Variants in EML4 observed in about 807,000 individuals in gnomAD.
EML4 encodes echinoderm microtubule-associated protein-like 4.
Under a neutral mutation model 129.0 loss-of-function variants are expected in EML4, and 72 were observed. The observed-to-expected ratio is 0.56, with a 90% CI of 0.46 to 0.68. The LOEUF is 0.68. Ranked by LOEUF, EML4 falls within the 30% of genes least tolerant of loss-of-function variation. The probability of loss-of-function intolerance (pLI) is 0.00; values close to 1 mark genes in which losing one functional copy is unlikely to be tolerated. For synonymous variants in EML4, 532 were observed against 405.0 expected (o/e 1.31, Z -3.77); for missense variants, 1,363 against 1,190.6 (o/e 1.14, Z -2.13).
At chr2:42,327,734 G>A (rs573471932) in intron 21 of EML4, among the ~76,000 whole-genome samples, 1 of 152,170 alleles carries the variant, frequency 6.6e-6, no homozygotes. Context: ...ATAATAAAGC[G>A]TTATTTGCAA....
intron 20 of EML4, 79 bp downstream of exon 20, chr2:42,325,633 T>C (rs1669767769): frequency 5.1e-6 from 1 of 194,980 alleles, no homozygotes; most frequent in Non-Finnish European, 9.8e-6. Flanking sequence ...TATATATATA[T>C]ATATATGCTA....
chr2:42,215,921 T>A (rs1181085086), intron 1 of EML4, among the ~76,000 whole-genome samples: 1 of 152,070 alleles, frequency 6.6e-6, no homozygotes, highest in Non-Finnish European at 1.5e-5. Context: ...CATTTATCTT[T>A]TTTTTTTCTT....
rs368722422 is a variant in EML4, at chr2:42,231,859, G to A, written c.26-13646G>A. On this transcript the variant is annotated intron_variant, in intron 1 of 22. Transcript: ENST00000318522. ...AGCTACTCAGGAGGCTGAGGTGGGAGAATGGCGTGAACCCGGGAGGCAGAG... is the reference window on the plus strand; with the variant it reads ...AGCTACTCAGGAGGCTGAGGTGGGAAAATGGCGTGAACCCGGGAGGCAGAG... Among the ~76,000 whole-genome samples, 79 of 152,214 alleles carry A rather than the reference G, an allele frequency of 5.2e-4. No individual in the cohort carries two copies. The East Asian group carries it at 0.013, about 24-fold the overall frequency.
At chr2:42,211,727 G>A (rs1007927248) in intron 1 of EML4, among the ~76,000 whole-genome samples, 4 of 151,928 alleles carry the variant, frequency 2.6e-5, no homozygotes, top group African/African-American at 9.7e-5. Context: ...ATCGTGTGTT[G>A]CCAATGTTTT....
chr2:42,328,140 A>T (rs1669910228), intron 21 of EML4, among the ~76,000 whole-genome samples: 1 of 152,254 alleles, frequency 6.6e-6, no homozygotes, highest in Non-Finnish European at 1.5e-5. Context: ...GACCAATTTT[A>T]AAGTATTTTG....
intron 1 of EML4, among the ~76,000 whole-genome samples, 153 bp from the exon 2 acceptor site, chr2:42,245,352 C>T (rs894595846): frequency 2.0e-5 from 3 of 151,384 alleles, no homozygotes; most frequent in Admixed American, 1.3e-4. Flanking sequence ...TCTCTTGGCC[C>T]CTCAAAGTTC....
intron 1 of EML4, among the ~76,000 whole-genome samples, chr2:42,217,531 A>C (rs562593014): frequency 6.6e-6 from 1 of 152,318 alleles, no homozygotes; most frequent in East Asian, 1.9e-4. Context: ...TTTGTCTTTT[A>C]GGCTTTGCTG....
intron 17 of EML4, among the ~76,000 whole-genome samples, chr2:42,305,543 C>T (rs937748241): frequency 1.1e-4 from 17 of 152,052 alleles, no homozygotes; most frequent in Non-Finnish European, 1.9e-4. Flanking sequence ...TTAAATGCTA[C>T]GCAGATATAT....
At chr2:42,293,755 G>A (rs746355504) in intron 11 of EML4, among the ~76,000 whole-genome samples, 6 of 152,044 alleles carry the variant, frequency 3.9e-5, no homozygotes, top group Non-Finnish European at 7.4e-5. Context: ...GGATAAAGGC[G>A]CCCACCACCA....
intron 6 of EML4, among the ~76,000 whole-genome samples, chr2:42,275,311 C>G (rs552569836): frequency 1.8e-4 from 27 of 152,156 alleles, no homozygotes; most frequent in Non-Finnish European, 3.7e-4. Context: ...TATCTCAATT[C>G]AGACTAGCCA....
intron 17 of EML4, among the ~76,000 whole-genome samples, chr2:42,315,477 T>G (rs1669195486): frequency 6.6e-6 from 1 of 152,218 alleles, no homozygotes; most frequent in African/African-American, 2.4e-5. Context: ...TGTATATTTA[T>G]GTATATTTTA....
At chr2:42,301,841 C>G (rs939572931) in intron 14 of EML4, among the ~76,000 whole-genome samples, 3 of 152,068 alleles carry the variant, frequency 2.0e-5, no homozygotes, top group Admixed American at 6.5e-5. Flanking sequence ...TCACAACCTT[C>G]AGTTCATACT....
intron 1 of EML4, among the ~76,000 whole-genome samples, chr2:42,237,049 C>T (rs959776947): frequency 1.3e-5 from 2 of 152,120 alleles, no homozygotes; most frequent in African/African-American, 4.8e-5. Context: ...GGTCATCCTC[C>T]CACCTCAGCC....
intron 1 of EML4, among the ~76,000 whole-genome samples, chr2:42,234,672 C>T (rs1014911680): frequency 3.9e-5 from 6 of 152,152 alleles, no homozygotes; most frequent in Non-Finnish European, 7.3e-5. Context: ...AAATATATTC[C>T]TGTTGAGAGG....
chr2:42,293,911 T>C (rs1341454987), intron 11 of EML4, among the ~76,000 whole-genome samples: 1 of 152,094 alleles, frequency 6.6e-6, no homozygotes, highest in Non-Finnish European at 1.5e-5. Context: ...GCCCGGCCCA[T>C]GTTGTTTTGC....
chr2:42,273,868 G>T (rs1339178442), intron 6 of EML4, among the ~76,000 whole-genome samples: 1 of 152,028 alleles, frequency 6.6e-6, no homozygotes, highest in Non-Finnish European at 1.5e-5. Flanking sequence ...TTGAAAGGGG[G>T]CAAAATCCAA....
At chr2:42,301,965 T>A (rs929231414) in intron 14 of EML4, among the ~76,000 whole-genome samples, 1 of 152,158 alleles carries the variant, frequency 6.6e-6, no homozygotes, top group African/African-American at 2.4e-5. Flanking sequence ...AAATTTGGAT[T>A]CCTCTTAGAG....
intron 1 of EML4, among the ~76,000 whole-genome samples, chr2:42,179,955 C>T (rs1670836295): frequency 6.6e-6 from 1 of 152,100 alleles, no homozygotes; most frequent in African/African-American, 2.4e-5. Flanking sequence ...GAGGGAGGGA[C>T]AGAGCATGCA....
intron 1 of EML4, 30 bp downstream of exon 1, chr2:42,169,666 C>T (rs1670139086): frequency 7.5e-6 from 12 of 1,596,970 alleles, no homozygotes; most frequent in Non-Finnish European, 1.0e-5. Context: ...CCTGCGTCTT[C>T]TGCGAAGGGT....
Sources: gnomAD v4.1 joint callset for allele counts (sites outside exome capture counted in the v4.1 genomes callset) on GRCh38, gnomAD v4.1.1 for gene constraint, MANE v1.5 for transcripts, NCBI Gene and HGNC (gene_info 2026-07-23, HGNC 2026-07-21) for gene names.